Variants in PTPRD observed in about 807,000 individuals in gnomAD.
PTPRD encodes receptor-type tyrosine-protein phosphatase delta.
In PTPRD, 34 loss-of-function variants were observed where a neutral mutation model predicts 214.5. That is an observed-to-expected ratio of 0.16 (90% confidence interval 0.12 to 0.21). The LOEUF (loss-of-function observed/expected upper bound fraction) is 0.21. PTPRD is among the 10% of genes least tolerant of loss of function. The pLI, the probability that PTPRD is intolerant of heterozygous loss-of-function variation, is 1.00. For missense variants in PTPRD, 2,545 were observed against 2,398.7 expected, an observed-to-expected ratio of 1.06 and a Z score of -1.27; for synonymous variants, 1,128 against 845.7, an observed-to-expected ratio of 1.33 and a Z score of -5.79.
At chr9:10,095,172 A>G (rs1443648785) in intron 3 of PTPRD, among the ~76,000 whole-genome samples, 1 of 151,488 alleles carries the variant, frequency 6.6e-6, no homozygotes, top group Admixed American at 6.6e-5. Context: ...GATACCTCAA[A>G]TAGTAGAGAA....
chr9:10,244,651 A>T (rs1288640842), intron 3 of PTPRD, among the ~76,000 whole-genome samples: 1 of 152,188 alleles, frequency 6.6e-6, no homozygotes, highest in African/African-American at 2.4e-5. Context: ...ATTTCATACC[A>T]GTTCAAATCT....
chr9:8,314,302 G>C lies in PTPRD; in HGVS notation c.*3572C>G, dbSNP rs1040905652. On this transcript the variant is annotated 3_prime_UTR_variant, in exon 46 of 46. Coordinates refer to ENST00000381196, the MANE Select transcript of PTPRD (RefSeq NM_002839.4). Reference sequence around the variant, plus strand: ...TTTGTAACAAATGGAACTTGTGTCAGCAAAGAACTGATTTTCATACAGACT... The same window carrying C: ...TTTGTAACAAATGGAACTTGTGTCACCAAAGAACTGATTTTCATACAGACT... The C allele has an allele frequency of 1.3e-5, 3 of 222,710 alleles. No individual in the cohort carries two copies. The highest frequency in any genetic ancestry group is 2.2e-5 in the African/African-American group (1 of 44,692). The allele number at this position is 222,710 out of a possible 1,614,324, so 13.8% of individuals were successfully genotyped here. A position where few individuals can be genotyped will look rare whatever the true frequency, so the allele number is the denominator to read the frequency against.
chr9:9,694,625 C>G (rs1045863746), intron 7 of PTPRD, among the ~76,000 whole-genome samples: 6 of 152,082 alleles, frequency 3.9e-5, no homozygotes, highest in Non-Finnish European at 7.4e-5. Context: ...ACCTTAGCAA[C>G]TGATGTTGCT....
chr9:9,306,543 G>A (rs1467215805), intron 9 of PTPRD, among the ~76,000 whole-genome samples: 5 of 130,730 alleles, frequency 3.8e-5, no homozygotes, highest in South Asian at 2.5e-4. Flanking sequence ...CCGTCTGGGC[G>A]ACAGAGTGAG....
At chr9:9,828,910 T>C (rs931895432) in intron 5 of PTPRD, among the ~76,000 whole-genome samples, 4 of 151,936 alleles carry the variant, frequency 2.6e-5, no homozygotes, top group Non-Finnish European at 5.9e-5. Flanking sequence ...GCTGTTTCAA[T>C]TGAAATTTTT....
chr9:9,872,987 A>G (rs2065893482), intron 5 of PTPRD, among the ~76,000 whole-genome samples: 1 of 152,158 alleles, frequency 6.6e-6, no homozygotes, highest in African/African-American at 2.4e-5. Flanking sequence ...GCACTTTACA[A>G]TTGAGAAGAG....
chr9:9,567,138 G>A (rs1172398285), intron 8 of PTPRD, among the ~76,000 whole-genome samples: 1 of 152,034 alleles, frequency 6.6e-6, no homozygotes, highest in Non-Finnish European at 1.5e-5. Context: ...TGCATAAGGA[G>A]TGTGGCATTT....
intron 12 of PTPRD, among the ~76,000 whole-genome samples, chr9:8,666,130 T>C (rs202225224): frequency 6.6e-6 from 1 of 152,110 alleles, no homozygotes; most frequent in East Asian, 1.9e-4. Context: ...ATTTTGTCCA[T>C]ATTTTTATAC....
chr9:9,393,295 G>T (rs2066540844), intron 9 of PTPRD, among the ~76,000 whole-genome samples: 1 of 152,198 alleles, frequency 6.6e-6, no homozygotes, highest in Non-Finnish European at 1.5e-5. Flanking sequence ...TTGACCAATG[G>T]GACATTAGCA....
At chr9:9,323,370 G>A (rs1383263637) in intron 9 of PTPRD, among the ~76,000 whole-genome samples, 2 of 152,102 alleles carry the variant, frequency 1.3e-5, no homozygotes, top group Admixed American at 6.5e-5. Context: ...CCAACCATGA[G>A]AGTTAGGTAG....
intron 11 of PTPRD, among the ~76,000 whole-genome samples, chr9:8,949,846 T>C (rs2099092180): frequency 1.3e-5 from 2 of 152,188 alleles, no homozygotes; most frequent in African/African-American, 4.8e-5. Flanking sequence ...GATTGTTGCC[T>C]ACAGTTATGA....
chr9:9,487,120 T>C (rs1229689999), intron 8 of PTPRD, among the ~76,000 whole-genome samples: 1 of 152,206 alleles, frequency 6.6e-6, no homozygotes, highest in African/African-American at 2.4e-5. Context: ...GCAGGTTGGT[T>C]ACATATGTAT....
At chr9:9,255,231 T>A (rs960467516) in intron 9 of PTPRD, among the ~76,000 whole-genome samples, 3 of 152,074 alleles carry the variant, frequency 2.0e-5, no homozygotes, top group African/African-American at 7.2e-5. Context: ...TTGCTTTGAT[T>A]GCAATGATGA....
intron 7 of PTPRD, among the ~76,000 whole-genome samples, chr9:9,703,284 T>A (rs1305574347): frequency 6.6e-6 from 1 of 152,166 alleles, no homozygotes; most frequent in Non-Finnish European, 1.5e-5. Context: ...TGTGAGTCAA[T>A]TAAACTCTTT....
At chr9:9,897,023 A>G (rs2075158544) in intron 5 of PTPRD, among the ~76,000 whole-genome samples, 1 of 151,948 alleles carries the variant, frequency 6.6e-6, no homozygotes, top group Non-Finnish European at 1.5e-5. Flanking sequence ...TTTTCAGGAG[A>G]ACAATGTTTC....
intron 2 of PTPRD, among the ~76,000 whole-genome samples, chr9:10,588,427 T>TAC (rs3076471): frequency 0.15 from 22,001 of 146,634 alleles, 1,906 homozygotes; most frequent in Non-Finnish European, 0.21. Context: ...TGGCTTATTG[T>TAC]ACACACACAC....
intron 5 of PTPRD, among the ~76,000 whole-genome samples, chr9:9,872,708 T>C (rs1213716313): frequency 6.6e-6 from 1 of 152,192 alleles, no homozygotes; most frequent in Non-Finnish European, 1.5e-5. Context: ...ACCTTGAATG[T>C]ATACATTAAA....
chr9:8,716,693 A>G (rs1264804628), intron 12 of PTPRD, among the ~76,000 whole-genome samples: 1 of 150,878 alleles, frequency 6.6e-6, no homozygotes, highest in Non-Finnish European at 1.5e-5. Context: ...AAGGATCCGG[A>G]GCATGCACTC....
chr9:10,508,846 T>A (rs562500507), intron 2 of PTPRD, among the ~76,000 whole-genome samples: 3 of 152,092 alleles, frequency 2.0e-5, no homozygotes, highest in Non-Finnish European at 4.4e-5. Context: ...CTAATATAAA[T>A]GACGAGTTAA....
Sources: allele counts gnomAD v4.1 joint callset (sites outside exome capture counted in the v4.1 genomes callset), GRCh38; gene constraint gnomAD v4.1.1; transcripts MANE v1.5; gene names NCBI Gene and HGNC (gene_info 2026-07-23, HGNC 2026-07-21).